The following AFG1L variants were observed in gnomAD, a reference collection of about 807,000 sequenced individuals.
The protein encoded by AFG1L is AFG1 like ATPase.
In AFG1L, 53 loss-of-function variants were observed where a neutral mutation model predicts 62.2. The ratio of observed to expected loss-of-function variants is 0.85; its 90% CI spans 0.68 to 1.07. The LOEUF is 1.07. Ranked by LOEUF, AFG1L falls within the 50% of genes least tolerant of loss-of-function variation. The pLI, the probability that AFG1L is intolerant of heterozygous loss-of-function variation, is 0.00. For missense variants in AFG1L, 555 were observed against 590.5 expected (o/e 0.94, Z 0.62); for synonymous variants, 228 against 210.3 (o/e 1.08, Z -0.73).
At chr6:108,486,585 T>C (rs1773584368) in intron 10 of AFG1L, among the ~76,000 whole-genome samples, 1 of 152,236 alleles carries the variant, frequency 6.6e-6, no homozygotes, top group African/African-American at 2.4e-5. Context: ...TTAAGAATTA[T>C]AAGATTTTCA....
intron 7 of AFG1L, among the ~76,000 whole-genome samples, chr6:108,405,352 T>G (rs1363776229): frequency 8.5e-5 from 13 of 152,204 alleles, no homozygotes; most frequent in Admixed American, 8.5e-4. Flanking sequence ...AATTACTATT[T>G]TAATACATTT....
At chr6:108,393,623 C>T (rs946028520) in intron 6 of AFG1L, among the ~76,000 whole-genome samples, 2 of 152,068 alleles carry the variant, frequency 1.3e-5, no homozygotes, top group Admixed American at 1.3e-4. Flanking sequence ...CTCTCATTGT[C>T]ATTAATGAAC....
At chr6:108,354,979 T>C (rs1299211823) in intron 3 of AFG1L, among the ~76,000 whole-genome samples, 1 of 152,162 alleles carries the variant, frequency 6.6e-6, no homozygotes, top group Non-Finnish European at 1.5e-5. Flanking sequence ...TTTTGAGAGA[T>C]CTATTTTCTC....
intron 6 of AFG1L, among the ~76,000 whole-genome samples, chr6:108,397,147 G>A (rs1781348026): frequency 6.6e-6 from 1 of 152,112 alleles, no homozygotes; most frequent in Admixed American, 6.5e-5. Context: ...TCCTGCCTCA[G>A]CCTCCTGAGT....
In AFG1L at chr6:108,415,571, A is replaced by G. The variant is rs1382208539; in HGVS notation, c.807+13517A>G. 2.0e-5 allele frequency among the ~76,000 whole-genome samples: 3 copies of G among 152,320 alleles called. No individual in the cohort carries two copies. The East Asian group carries it at 5.8e-4, about 29-fold the overall frequency. On this transcript the variant is annotated intron_variant, in intron 7 of 12. Coordinates refer to ENST00000368977, the MANE Select transcript of AFG1L (RefSeq NM_145315.5). ...CAGCATGGTGCTGGTACCAAAACAG[A>G]TATACAGACCAATGGAACAGAATAG...
chr6:108,480,679 T>C (rs566192033), intron 10 of AFG1L, among the ~76,000 whole-genome samples: 7 of 152,172 alleles, frequency 4.6e-5, no homozygotes, highest in African/African-American at 1.7e-4. Flanking sequence ...GCATCTGTAA[T>C]CCCAGCTACT....
At chr6:108,440,827 A>C (rs938461883) in intron 7 of AFG1L, among the ~76,000 whole-genome samples, 3 of 151,894 alleles carry the variant, frequency 2.0e-5, no homozygotes, top group Non-Finnish European at 4.4e-5. Flanking sequence ...TCTCAAAAAA[A>C]GAAAAAAGGA....
intron 1 of AFG1L, among the ~76,000 whole-genome samples, chr6:108,309,751 G>T (rs1777332831): frequency 6.6e-6 from 1 of 151,906 alleles, no homozygotes; most frequent in Non-Finnish European, 1.5e-5. Flanking sequence ...ATGTGTTGCA[G>T]GTGTCAAATA....
intron 1 of AFG1L, among the ~76,000 whole-genome samples, chr6:108,317,926 TGTA>T (rs1777667683): frequency 6.6e-6 from 1 of 152,190 alleles, no homozygotes; most frequent in African/African-American, 2.4e-5. Flanking sequence ...ATTTGTTTAA[TGTA>T]GTAAGATTAG....
At chr6:108,306,498 C>T (rs2114828720) in intron 1 of AFG1L, among the ~76,000 whole-genome samples, 1 of 152,234 alleles carries the variant, frequency 6.6e-6, no homozygotes, top group East Asian at 1.9e-4. Flanking sequence ...ATATTTCATT[C>T]ATTTATTTAT....
At chr6:108,436,127 G>T (rs1047589460) in intron 7 of AFG1L, among the ~76,000 whole-genome samples, 3 of 152,018 alleles carry the variant, frequency 2.0e-5, no homozygotes, top group African/African-American at 7.3e-5. Flanking sequence ...CTTGAAAGCT[G>T]CCCCATATCA....
At chr6:108,311,179 C>T (rs570868385) in intron 1 of AFG1L, among the ~76,000 whole-genome samples, 33 of 152,310 alleles carry the variant, frequency 2.2e-4, no homozygotes, top group African/African-American at 7.9e-4. Context: ...TACCTCTCTC[C>T]GCCTTTCACT....
intron 3 of AFG1L, 55 bp downstream of exon 3, chr6:108,347,094 C>G (rs1778892029): frequency 7.3e-7 from 1 of 1,378,666 alleles, no homozygotes; most frequent in Non-Finnish European, 1.0e-6. Context: ...TCTCAGCTTT[C>G]TCTCAGGGAT....
chr6:108,460,127 T>G (rs1052718775), intron 8 of AFG1L, among the ~76,000 whole-genome samples: 1 of 152,116 alleles, frequency 6.6e-6, no homozygotes, highest in Non-Finnish European at 1.5e-5. Context: ...TTTCATGACA[T>G]TGAGGAATTA....
chr6:108,332,167 C>T (rs1376460745), intron 2 of AFG1L, among the ~76,000 whole-genome samples: 1 of 152,170 alleles, frequency 6.6e-6, no homozygotes, highest in Non-Finnish European at 1.5e-5. Context: ...CTGGATTTAG[C>T]CCATGGCCAT....
chr6:108,331,148 A>G (rs773240281), intron 2 of AFG1L, among the ~76,000 whole-genome samples: 7 of 152,036 alleles, frequency 4.6e-5, no homozygotes, highest in Non-Finnish European at 7.4e-5. Context: ...TTAGCTAGGC[A>G]TGGTGGTACA....
intron 10 of AFG1L, among the ~76,000 whole-genome samples, chr6:108,505,118 G>A (rs1314060423): frequency 1.5e-5 from 2 of 137,656 alleles, no homozygotes; most frequent in African/African-American, 2.7e-5. Flanking sequence ...TTTTTGAGAT[G>A]GAGTCTCACA....
Position 108,481,074 on chromosome 6 carries a change from C to G in AFG1L, c.1062+3782C>G, listed in dbSNP as rs13213145. Among the ~76,000 whole-genome samples the G allele has an allele frequency of 3.3e-5, 5 of 152,310 alleles. No homozygotes were observed. In the East Asian group the frequency reaches 9.6e-4, roughly 29 times the overall value. ...GGTTTGTGGCTCCAGGCAAGAGGCC[C>G]CAAGCCTTAGGCAGCCTCATCCCTT... On this transcript the variant is annotated intron_variant, in intron 10 of 12. Transcript: ENST00000368977.
intron 7 of AFG1L, among the ~76,000 whole-genome samples, chr6:108,410,434 T>C (rs1782046245): frequency 6.6e-6 from 1 of 152,194 alleles, no homozygotes; most frequent in Non-Finnish European, 1.5e-5. Context: ...CTGAGGCTTG[T>C]AAACTGCAAG....
Sources: gnomAD v4.1 joint callset for allele counts (sites outside exome capture counted in the v4.1 genomes callset) on GRCh38, gnomAD v4.1.1 for gene constraint, MANE v1.5 for transcripts, NCBI Gene and HGNC (gene_info 2026-07-23, HGNC 2026-07-21) for gene names.